FARP1: variants seen among roughly 807,000 people sequenced by gnomAD.
The protein encoded by FARP1 is FERM, ARHGEF and pleckstrin domain-containing protein 1.
A neutral mutation model predicts 128.8 loss-of-function variants in FARP1; 52 were observed. The ratio of observed to expected loss-of-function variants is 0.40; its 90% CI spans 0.32 to 0.51. The LOEUF (loss-of-function observed/expected upper bound fraction) is 0.51. FARP1 is among the 20% of genes least tolerant of loss of function. The pLI, the probability that FARP1 is intolerant of heterozygous loss-of-function variation, is 0.45. For synonymous variants in FARP1, 580 were observed against 551.8 expected, an observed-to-expected ratio of 1.05 and a Z score of -0.72; for missense variants, 1,333 against 1,367.9, an observed-to-expected ratio of 0.97 and a Z score of 0.40.
At chr13:98,446,053 G>A (rs755151631) in intron 24 of FARP1, 45 bp from the exon 25 acceptor site, 3 of 1,337,574 alleles carry the variant, frequency 2.2e-6, no homozygotes, top group Non-Finnish European at 3.2e-6. Flanking sequence ...TGCCCTCCTG[G>A]GGCAGGTGCC....
intron 2 of FARP1, among the ~76,000 whole-genome samples, chr13:98,224,694 G>A (rs1283068903): frequency 6.6e-6 from 1 of 152,086 alleles, no homozygotes; most frequent in Non-Finnish European, 1.5e-5. Flanking sequence ...AAGCCCCAGA[G>A]TAAGAGAGCT....
Position 98,424,559 on chromosome 13 carries a change from C to T in FARP1, c.1827-13C>T, listed in dbSNP as rs1267134736. 1 of 1,587,310 alleles carries T rather than the reference C, an allele frequency of 6.3e-7. No individual in the cohort carries two copies. Among genetic ancestry groups the T allele is most frequent in the Non-Finnish European group, 8.7e-7 (1 of 1,155,660 alleles). On this transcript the variant is annotated splice_polypyrimidine_tract_variant and intron_variant, in intron 16 of 26. Transcript: ENST00000319562. ...GATGCTTTGTATTTCCAACCCTTTG[C>T]TTTTGCTCTCAGGGAAGGCCGCTCA...
intron 13 of FARP1, chr13:98,398,660 G>A (rs565667554): frequency 6.6e-6 from 1 of 152,312 alleles, no homozygotes; most frequent in Admixed American, 6.5e-5. Flanking sequence ...TTTATATGGT[G>A]AGGGTTTTGC....
intron 6 of FARP1, 116 bp from the exon 7 acceptor site, chr13:98,384,614 A>G (rs1566940029): frequency 1.5e-6 from 1 of 652,828 alleles, no homozygotes; most frequent in Non-Finnish European, 2.8e-6. Context: ...GATGTTCCCC[A>G]CCAACTGGGC....
chr13:98,388,650 C>T (rs751608575), intron 9 of FARP1, among the ~76,000 whole-genome samples, 172 bp downstream of exon 9: 11 of 152,158 alleles, frequency 7.2e-5, no homozygotes, highest in Non-Finnish European at 1.5e-4. Flanking sequence ...TCCAAATGGT[C>T]GGTAACTCTA....
At chr13:98,441,247 A>T (rs1398820609) in intron 24 of FARP1, among the ~76,000 whole-genome samples, 1 of 152,108 alleles carries the variant, frequency 6.6e-6, no homozygotes, top group African/African-American at 2.4e-5. Context: ...GAGGGAGGAG[A>T]GTCTGCACGA....
rs1317399788 is a variant in FARP1 at position 98,411,849 on chromosome 13, A to G, written c.1693-52A>G. The G allele has an allele frequency of 2.5e-6, 4 of 1,592,168 alleles. No individual in the cohort carries two copies. In the East Asian group the frequency reaches 9.0e-5, roughly 36 times the overall value. ...ATGTGACTTCTGGAGAAAACTGCAG[A>G]CACTCGTCATTGATCTTTCCACCCG... On this transcript the variant is annotated intron_variant, in intron 15 of 26. Transcript: ENST00000319562.
intron 3 of FARP1, among the ~76,000 whole-genome samples, chr13:98,358,955 A>C (rs1241957914): frequency 2.0e-5 from 3 of 152,286 alleles, no homozygotes; most frequent in Admixed American, 1.3e-4. Flanking sequence ...TTCTTTTAGG[A>C]GTCAACTGCA....
At chr13:98,178,363 C>T (rs1417207989) in intron 1 of FARP1, among the ~76,000 whole-genome samples, 1 of 151,910 alleles carries the variant, frequency 6.6e-6, no homozygotes, top group African/African-American at 2.4e-5. Context: ...ACCCAGCTAA[C>T]TTCTGTGTTT....
At chr13:98,248,841 A>T (rs1023198921) in intron 2 of FARP1, among the ~76,000 whole-genome samples, 2 of 152,048 alleles carry the variant, frequency 1.3e-5, no homozygotes, top group East Asian at 1.9e-4. Flanking sequence ...TCACTGTTTA[A>T]AATGGCTCTG....
intron 2 of FARP1, among the ~76,000 whole-genome samples, chr13:98,332,165 A>G (rs1203927604): frequency 2.0e-5 from 3 of 152,006 alleles, no homozygotes; most frequent in South Asian, 2.1e-4. Context: ...AGCCATCCCC[A>G]TGTCTCCAGA....
chr13:98,287,588 A>T (rs1033806168), intron 2 of FARP1, among the ~76,000 whole-genome samples: 1 of 151,994 alleles, frequency 6.6e-6, no homozygotes, highest in Non-Finnish European at 1.5e-5. Context: ...ACCAGATTCT[A>T]CTTGACTGAT....
intron 2 of FARP1, among the ~76,000 whole-genome samples, chr13:98,316,195 G>A (rs1240066419): frequency 1.3e-5 from 2 of 152,120 alleles, no homozygotes. Context: ...GTAGAGTGAA[G>A]AGCTACCGCC....
chr13:98,385,922 T>G, intron 8 of FARP1, 108 bp downstream of exon 8: 1 of 1,215,090 alleles, frequency 8.2e-7, no homozygotes, highest in Non-Finnish European at 1.1e-6. Flanking sequence ...ATGGTTATTT[T>G]TCGGCGAACA....
chr13:98,376,654 T>C (rs989290291), intron 5 of FARP1, among the ~76,000 whole-genome samples: 3 of 152,050 alleles, frequency 2.0e-5, no homozygotes, highest in Admixed American at 1.3e-4. Flanking sequence ...GATTGCTGGG[T>C]CATATGGTAG....
intron 2 of FARP1, among the ~76,000 whole-genome samples, chr13:98,303,138 G>C (rs1885991275): frequency 6.6e-6 from 1 of 152,206 alleles, no homozygotes; most frequent in African/African-American, 2.4e-5. Flanking sequence ...AGATACACAT[G>C]ATGACGTGTT....
rs1341917756 is a variant in FARP1 at position 98,455,127 on chromosome 13, T to C, written c.*6810T>C. The C allele has an allele frequency of 2.0e-5, 3 of 152,230 alleles. No individual in the cohort carries two copies. The highest frequency in any genetic ancestry group is 4.4e-5 in the Non-Finnish European group (3 of 68,038). The allele number at this position is 152,230 out of a possible 1,614,324, so 9.4% of individuals were successfully genotyped here. A position where few individuals can be genotyped will look rare whatever the true frequency, so the allele number is the denominator to read the frequency against. ...AAAATGTAAAATACCTTATTGATGA[T>C]TGTTGTTATTAATGTTGAAATAATA... On this transcript the variant is annotated 3_prime_UTR_variant, in exon 27 of 27. Transcript: ENST00000319562.
At position 98,221,068 on chromosome 13, in the gene FARP1, T is replaced by C. The variant is rs551557837; in HGVS notation, c.171+7655T>C. On this transcript the variant is annotated intron_variant, in intron 2 of 26. Coordinates refer to ENST00000319562, the MANE Select transcript of FARP1 (RefSeq NM_005766.4). ...GGCCCTGGGTCTGGGCCGCCTCGCT[T>C]CCTACCTATGTGGCGCTGCATGAGT... 8.5e-5 allele frequency among the ~76,000 whole-genome samples: 13 copies of C among 152,270 alleles called. No homozygotes were observed. The South Asian group carries it at 2.7e-3, about 32-fold the overall frequency.
intron 2 of FARP1, chr13:98,234,123 A>G (rs751749967): frequency 6.6e-6 from 1 of 152,140 alleles, no homozygotes; most frequent in African/African-American, 2.4e-5. Flanking sequence ...AGTTTTACCC[A>G]CTGTGCAGGT....
Sources: gnomAD v4.1 joint callset for allele counts (sites outside exome capture counted in the v4.1 genomes callset) on GRCh38, gnomAD v4.1.1 for gene constraint, MANE v1.5 for transcripts, NCBI Gene and HGNC (gene_info 2026-07-23, HGNC 2026-07-21) for gene names.